Variants in MAPK8IP3 observed in about 807,000 individuals in gnomAD.
MAPK8IP3 encodes C-Jun-amino-terminal kinase-interacting protein 3.
A neutral mutation model predicts 157.8 loss-of-function variants in MAPK8IP3; 49 were observed. That is an observed-to-expected ratio of 0.31 (90% CI 0.25 to 0.39). The LOEUF (loss-of-function observed/expected upper bound fraction) is 0.39, where lower values mean the gene tolerates loss of function less well. Ranked by LOEUF, MAPK8IP3 falls within the 10% of genes least tolerant of loss-of-function variation. MAPK8IP3 has a pLI of 1.00. For synonymous variants in MAPK8IP3, 897 were observed against 777.7 expected, an observed-to-expected ratio of 1.15 and a Z score of -2.55; for missense variants, 1,478 against 1,889.4, an observed-to-expected ratio of 0.78 and a Z score of 4.04.
At chr16:1,717,858 C>T (rs1440847611) in intron 1 of MAPK8IP3, among the ~76,000 whole-genome samples, 2 of 147,748 alleles carry the variant, frequency 1.4e-5, no homozygotes, top group Non-Finnish European at 3.0e-5. Context: ...TCTTGGTTCT[C>T]TTTTTTTTTT....
chr16:1,762,604 G>A, intron 14 of MAPK8IP3, 71 bp from the exon 15 acceptor site: 1 of 1,546,128 alleles, frequency 6.5e-7, no homozygotes, highest in Non-Finnish European at 8.7e-7. Context: ...CTTCCTGGCG[G>A]GAGCCAGAGA....
intron 8 of MAPK8IP3, among the ~76,000 whole-genome samples, chr16:1,757,496 T>A (rs763618473): frequency 7.9e-5 from 12 of 152,284 alleles, no homozygotes; most frequent in Non-Finnish European, 1.8e-4. Flanking sequence ...AGTGGTGTTT[T>A]CCCGCAGAGC....
intron 10 of MAPK8IP3, 21 bp from the exon 11 acceptor site, chr16:1,759,937 C>T (rs374275434): frequency 6.9e-5 from 111 of 1,613,290 alleles, no homozygotes; most frequent in Non-Finnish European, 7.8e-5. Context: ...ACAGGTGAAA[C>T]CTCCGCACCT....
At chr16:1,723,619 T>G (rs1212274980) in intron 1 of MAPK8IP3, among the ~76,000 whole-genome samples, 1 of 152,070 alleles carries the variant, frequency 6.6e-6, no homozygotes, top group Non-Finnish European at 1.5e-5. Context: ...GACTCTCTCT[T>G]AAAACAAAAC....
chr16:1,738,051 CGT>C (rs1319902028), intron 4 of MAPK8IP3, among the ~76,000 whole-genome samples: 1 of 74,358 alleles, frequency 1.3e-5, no homozygotes, highest in Admixed American at 1.8e-4. Flanking sequence ...TGTGACCGTC[CGT>C]GTGAGTGTGT....
chr16:1,748,041 G>C lies in MAPK8IP3; in HGVS notation c.995-203G>C, dbSNP rs2294614. 0.25 allele frequency among the ~76,000 whole-genome samples: 37,714 copies of C among 152,088 alleles called. 5,321 individuals are homozygous for C. The highest frequency in any genetic ancestry group is 0.47 in the East Asian group (2,401 of 5,158). On this transcript the variant is annotated intron_variant, in intron 6 of 31. Transcript: ENST00000610761. ...CAGAGAGGCTGCTGCAACCCACCCC[G>C]CTCCAGGCCCCGCCTCAGACGTCTA... is the stretch of plus-strand genomic sequence containing the variant.
chr16:1,767,160 G>A lies in MAPK8IP3; in HGVS notation c.3100G>A (p.Asp1034Asn), dbSNP rs199936660. The stretch of plus-strand genomic sequence containing the variant: ...GGGGCTCCCTCCAGATGGCCAGTGG[G>A]ATCTGAGCAACTATCACCTAATGGA... ...IFHRGEDGQW[D>N]LSNYHLMDLG... Residue 1034 changes from aspartate to asparagine, a missense_variant, in exon 26 of 32, where the codon GAT becomes AAT. Physicochemically the swap from Asp to Asn is conservative, Grantham distance 23 (BLOSUM62 1). This residue lies in a region of MAPK8IP3 where 669 missense variants were observed against 759.8 expected (regional missense o/e 0.88). Coordinates refer to ENST00000610761, the MANE Select transcript of MAPK8IP3 (RefSeq NM_001318852.2). The A allele has an allele frequency of 6.2e-7, 1 of 1,613,150 alleles. No homozygotes were observed. Among genetic ancestry groups the A allele is most frequent in the Non-Finnish European group, 8.5e-7 (1 of 1,179,992 alleles).
intron 8 of MAPK8IP3, 124 bp from the exon 9 acceptor site, chr16:1,758,024 C>A: frequency 1.0e-6 from 1 of 985,068 alleles, no homozygotes; most frequent in Non-Finnish European, 1.6e-6. Flanking sequence ...TCCTGCCCTG[C>A]AACATGGGAG....
At chr16:1,728,529 C>G (rs1404299992) in intron 2 of MAPK8IP3, among the ~76,000 whole-genome samples, 1 of 152,182 alleles carries the variant, frequency 6.6e-6, no homozygotes, top group Non-Finnish European at 1.5e-5. Context: ...ATATTTAACT[C>G]CCAACAGAGC....
chr16:1,719,776 G>T (rs1385179146), intron 1 of MAPK8IP3, among the ~76,000 whole-genome samples: 2 of 151,968 alleles, frequency 1.3e-5, no homozygotes, highest in East Asian at 1.9e-4. Flanking sequence ...AGCCCGCGAG[G>T]TCAAGGCTGC....
At chr16:1,763,087 T>C in intron 16 of MAPK8IP3, 81 bp downstream of exon 16, 1 of 1,567,364 alleles carries the variant, frequency 6.4e-7, no homozygotes, top group Non-Finnish European at 8.7e-7. Flanking sequence ...CTCCAGGCCC[T>C]GAAGCGGGAC....
chr16:1,744,105 G>C (rs1307086785), intron 5 of MAPK8IP3: 3 of 985,912 alleles, frequency 3.0e-6, no homozygotes, highest in African/African-American at 1.7e-5. Flanking sequence ...TCAGAGCACA[G>C]GGGCCCAGAG....
intron 4 of MAPK8IP3, among the ~76,000 whole-genome samples, chr16:1,736,561 CGT>C (rs1390409885): frequency 4.5e-5 from 3 of 66,644 alleles, no homozygotes; most frequent in African/African-American, 6.2e-5. Flanking sequence ...TGTGACTGTC[CGT>C]GTGTGACCGT....
chr16:1,750,374 G>A (rs565720389), intron 8 of MAPK8IP3, among the ~76,000 whole-genome samples: 37 of 151,990 alleles, frequency 2.4e-4, no homozygotes, highest in African/African-American at 8.4e-4. Flanking sequence ...CACCACGCCC[G>A]GCTAATTTTT....
rs1244887690 is a variant in MAPK8IP3, at chr16:1,724,261, G to A, written c.319-296G>A. 2.6e-5 allele frequency among the ~76,000 whole-genome samples: 4 copies of A among 152,256 alleles called. No individual in the cohort carries two copies. The highest frequency in any genetic ancestry group is 6.5e-5 in the Admixed American group (1 of 15,286). On this transcript the variant is annotated intron_variant, in intron 1 of 31. Coordinates refer to ENST00000610761, the MANE Select transcript of MAPK8IP3 (RefSeq NM_001318852.2). This position sits in a 1 kb window ranked among gnomAD's most constrained non-coding sequence, Gnocchi z 4.1. ...GTCTCATGCAGCCACGAAGGCAGCC[G>A]TAATTGGAAACAACAGGCTCCCTTC... is the stretch of plus-strand genomic sequence containing the variant.
intron 10 of MAPK8IP3, 47 bp downstream of exon 10, chr16:1,759,042 C>T (rs1168243990): frequency 6.2e-7 from 1 of 1,610,356 alleles, no homozygotes; most frequent in South Asian, 1.1e-5. Flanking sequence ...TCCACCCCGA[C>T]ATGGTCTCCT....
In MAPK8IP3 at chr16:1,743,284, C is replaced by T. The variant is rs115168799; in HGVS notation, c.603-48C>T. On this transcript the variant is annotated intron_variant, in intron 4 of 31. Transcript: ENST00000610761. This position sits in a 1 kb window ranked among gnomAD's most constrained non-coding sequence, Gnocchi z 5.6. ...CCTGGGAGGGCTTGGGAAATCTTCA[C>T]GGCCACCCTCTAACCATCGCTTCCT... The T allele has an allele frequency of 4.6e-4, 687 of 1,487,842 alleles. 2 individuals carry two copies. The African/African-American group carries it at 6.5e-3, about 14-fold the overall frequency. 92.2% of individuals were successfully genotyped at this position (1,487,842 alleles called of 1,614,324 possible).
In MAPK8IP3 at chr16:1,743,848, G is replaced by T; in HGVS notation, c.747+372G>T. The T allele has an allele frequency of 6.3e-6, 7 of 1,110,636 alleles. No homozygotes were observed. Among genetic ancestry groups the T allele is most frequent in the Non-Finnish European group, 7.7e-6 (7 of 907,772 alleles). 68.8% of individuals were successfully genotyped at this position (1,110,636 alleles called of 1,614,324 possible). Reference sequence around the variant, plus strand: ...CTCATGCTCACCCGGGCTCCAGCCAGACACATCCTGCCCCTGAGAGCCACG... The same window carrying T: ...CTCATGCTCACCCGGGCTCCAGCCATACACATCCTGCCCCTGAGAGCCACG... On this transcript the variant is annotated intron_variant, in intron 5 of 31. Coordinates refer to ENST00000610761, the MANE Select transcript of MAPK8IP3 (RefSeq NM_001318852.2). This position sits in a 1 kb window ranked among gnomAD's most constrained non-coding sequence, Gnocchi z 5.6.
At position 1,747,012 on chromosome 16, in the gene MAPK8IP3, C is replaced by T. The variant is rs781204502; in HGVS notation, c.748-17C>T. 2 of 1,611,616 alleles carry T rather than the reference C, an allele frequency of 1.2e-6. No homozygotes were observed. The highest frequency in any genetic ancestry group is 1.7e-6 in the Non-Finnish European group (2 of 1,178,608). On this transcript the variant is annotated splice_polypyrimidine_tract_variant and intron_variant, in intron 5 of 31. Coordinates refer to ENST00000610761, the MANE Select transcript of MAPK8IP3 (RefSeq NM_001318852.2). ...CTGCAGTGACTCGCTCTCCCTCCTC[C>T]CTGTGTTTGGCCTTAGTGTCCACAG...
Sources: gnomAD v4.1 joint callset for allele counts (sites outside exome capture counted in the v4.1 genomes callset) on GRCh38, gnomAD v4.1.1 for gene constraint, gnomAD v4.1.1 regional missense constraint, Gnocchi (gnomAD v3.1) non-coding constraint, MANE v1.5 for transcripts, NCBI Gene and HGNC (gene_info 2026-07-23, HGNC 2026-07-21) for gene names.